Variants in CLASP2 observed in about 807,000 individuals in gnomAD.
CLASP2 encodes the protein cytoplasmic linker associated protein 2.
CLASP2 carries 47 observed loss-of-function variants against 194.4 expected under a neutral mutation model. That is an observed-to-expected ratio of 0.24 (90% CI 0.19 to 0.31). The LOEUF is 0.31. Among genes scored for constraint, CLASP2 ranks in the 10% least tolerant of loss-of-function variants. The probability of loss-of-function intolerance (pLI) is 1.00; values close to 1 mark genes in which losing one functional copy is unlikely to be tolerated. For synonymous variants in CLASP2, 619 were observed against 633.5 expected (o/e 0.98, Z 0.34); for missense variants, 1,445 against 1,823.6 (o/e 0.79, Z 3.78).
chr3:33,642,516 C>A (rs151189119), intron 8 of CLASP2, among the ~76,000 whole-genome samples: 8 of 151,746 alleles, frequency 5.3e-5, no homozygotes, highest in Non-Finnish European at 1.2e-4. Flanking sequence ...TGTAGTGGCA[C>A]GGCAGGTGAT....
intron 24 of CLASP2, 114 bp from the exon 25 acceptor site, chr3:33,573,468 C>T: frequency 4.8e-6 from 5 of 1,042,000 alleles, no homozygotes; most frequent in Non-Finnish European, 7.2e-6. Flanking sequence ...GCAAAGCATG[C>T]TCCTAATCAT....
chr3:33,540,090 G>GGCTAA (rs1279379337), intron 32 of CLASP2, among the ~76,000 whole-genome samples: 8 of 151,382 alleles, frequency 5.3e-5, no homozygotes, highest in African/African-American at 1.9e-4. Flanking sequence ...CACCACATCA[G>GGCTAA]GCTAATTTTT....
At chr3:33,715,643 T>C (rs145120626) in intron 1 of CLASP2, among the ~76,000 whole-genome samples, 35 of 152,238 alleles carry the variant, frequency 2.3e-4, no homozygotes, top group East Asian at 1.5e-3. Flanking sequence ...CCTTAGCATC[T>C]TGAATACCCA....
intron 7 of CLASP2, among the ~76,000 whole-genome samples, chr3:33,650,716 G>A (rs558549034): frequency 3.3e-5 from 5 of 152,174 alleles, no homozygotes; most frequent in Admixed American, 6.5e-5. Flanking sequence ...GAGGTGGATG[G>A]AGGAAGCGAT....
At chr3:33,499,945 A>G (rs916659866) in intron 38 of CLASP2, among the ~76,000 whole-genome samples, 14 of 152,124 alleles carry the variant, frequency 9.2e-5, no homozygotes, top group African/African-American at 2.4e-4. Context: ...CCTACCAAGA[A>G]TGTTTTAAAT....
At chr3:33,606,831 CAAG>C (rs1560280328) in intron 15 of CLASP2, 73 bp from the exon 16 acceptor site, 1 of 1,114,928 alleles carries the variant, frequency 9.0e-7, no homozygotes, top group Non-Finnish European at 1.3e-6. Context: ...CGTGTACGTT[CAAG>C]AAGGATGAAG....
intron 6 of CLASP2, among the ~76,000 whole-genome samples, chr3:33,682,187 A>G (rs1181123701): frequency 6.6e-6 from 1 of 152,216 alleles, no homozygotes; most frequent in Admixed American, 6.5e-5. Flanking sequence ...ACACACACTT[A>G]TGATATTTAT....
At chr3:33,499,110 G>A (rs1157390509) in intron 38 of CLASP2, among the ~76,000 whole-genome samples, 2 of 152,056 alleles carry the variant, frequency 1.3e-5, no homozygotes, top group Non-Finnish European at 2.9e-5. Flanking sequence ...ACTGAATCAT[G>A]GGGGCAGTTC....
At chr3:33,559,044 G>A in intron 29 of CLASP2, 1 of 537,686 alleles carries the variant, frequency 1.9e-6, no homozygotes, top group South Asian at 1.8e-5. Context: ...GGCTTACAAA[G>A]GTTAGTAGTT....
intron 30 of CLASP2, 33 bp from the exon 31 acceptor site, chr3:33,544,874 ATT>A (rs768378004): frequency 6.5e-6 from 10 of 1,531,352 alleles, no homozygotes; most frequent in Admixed American, 4.0e-5. Flanking sequence ...AGATGAATAT[ATT>A]TTTGTTACTC....
rs761254478 is a variant in CLASP2 at position 33,619,669 on chromosome 3, A to G, written c.1251T>C (p.Asn417=). Residue 417 remains asparagine (N), a synonymous_variant, in exon 12 of 39, where the codon AAT becomes AAC. Transcript: ENST00000682230. ...TGACTTTTGCACTATTGGGGACGAG[A>G]TTAAAAAGTGTAGGTACAATGGCTT... ...GAEAIVPTLF[N]LVPNSAKVMA... is the part of the protein sequence containing the mutation. 5.8e-6 allele frequency: 9 copies of G among 1,563,992 alleles called. No individual in the cohort carries two copies. In the South Asian group the frequency reaches 1.1e-4, roughly 18 times the overall value.
chr3:33,507,640 C>G (rs1253530395), intron 37 of CLASP2, among the ~76,000 whole-genome samples: 1 of 152,096 alleles, frequency 6.6e-6, no homozygotes, highest in African/African-American at 2.4e-5. Flanking sequence ...TGCCATCACG[C>G]CTGGCTAATT....
intron 14 of CLASP2, among the ~76,000 whole-genome samples, chr3:33,607,992 A>G (rs1209367092): frequency 1.3e-5 from 2 of 152,220 alleles, no homozygotes; most frequent in African/African-American, 2.4e-5. Context: ...TCAGCAATAT[A>G]CTCAAGGTAA....
intron 7 of CLASP2, among the ~76,000 whole-genome samples, chr3:33,645,904 T>C (rs1407528066): frequency 2.7e-5 from 4 of 150,922 alleles, no homozygotes; most frequent in Non-Finnish European, 4.4e-5. Flanking sequence ...CATCTACTTA[T>C]ATGCAAATGA....
At chr3:33,604,381 A>G (rs1134303) in intron 16 of CLASP2, among the ~76,000 whole-genome samples, 172 bp from the exon 17 acceptor site, 40,501 of 150,262 alleles carry the variant, frequency 0.27, 5,979 homozygotes, top group Admixed American at 0.39. Flanking sequence ...GTAGTCCCAT[A>G]ATCATGGCTC....
chr3:33,607,602 C>G, intron 14 of CLASP2, 141 bp from the exon 15 acceptor site: 2 of 524,068 alleles, frequency 3.8e-6, no homozygotes, highest in South Asian at 3.5e-5. Context: ...AATAATAAAT[C>G]TAAGACCATA....
At chr3:33,656,401 G>A (rs2084220388) in intron 7 of CLASP2, among the ~76,000 whole-genome samples, 4 of 152,128 alleles carry the variant, frequency 2.6e-5, no homozygotes, top group Non-Finnish European at 4.4e-5. Flanking sequence ...AACACATGAA[G>A]GTGATCAATC....
intron 23 of CLASP2, among the ~76,000 whole-genome samples, chr3:33,578,371 A>C (rs2065335823): frequency 1.3e-5 from 2 of 152,216 alleles, no homozygotes; most frequent in Admixed American, 1.3e-4. Flanking sequence ...AACACCATAA[A>C]GTTAACTTTT....
At chr3:33,559,202 CT>C in intron 29 of CLASP2, 104 bp downstream of exon 29, 1 of 809,420 alleles carries the variant, frequency 1.2e-6, no homozygotes, top group Non-Finnish European at 2.1e-6. Context: ...ACAAAACCCA[CT>C]GATTGAACAG....
Sources: gnomAD v4.1 joint callset for allele counts (sites outside exome capture counted in the v4.1 genomes callset) on GRCh38, gnomAD v4.1.1 for gene constraint, MANE v1.5 for transcripts, NCBI Gene and HGNC (gene_info 2026-07-23, HGNC 2026-07-21) for gene names.